Variants in PTPRK observed in about 807,000 individuals in gnomAD.
PTPRK encodes the protein receptor-type tyrosine-protein phosphatase kappa.
A neutral mutation model predicts 178.0 loss-of-function variants in PTPRK; 75 were observed. That is an observed-to-expected ratio of 0.42 (90% CI 0.35 to 0.51). The LOEUF is 0.51. PTPRK is among the 20% of genes least tolerant of loss of function. The pLI is 0.02. For missense variants in PTPRK, 1,441 were observed against 1,797.8 expected (o/e 0.80, Z 3.59); for synonymous variants, 637 against 620.6 (o/e 1.03, Z -0.39).
intron 3 of PTPRK, among the ~76,000 whole-genome samples, chr6:128,278,160 T>C (rs1159165446): frequency 6.7e-6 from 1 of 150,206 alleles, no homozygotes; most frequent in East Asian, 2.0e-4. Flanking sequence ...TATTTATTTA[T>C]TTATTTATTT....
chr6:128,199,197 T>A lies in PTPRK; in HGVS notation c.869-14472A>T, dbSNP rs563641906. Among the ~76,000 whole-genome samples, 4 of 152,230 alleles carry A rather than the reference T, an allele frequency of 2.6e-5. No individual in the cohort carries two copies. The East Asian group carries it at 7.7e-4, about 29-fold the overall frequency. On this transcript the variant is annotated intron_variant, in intron 6 of 29. Transcript: ENST00000368226. ...TTCAAATACTGCTATTGTAAATAGC[T>A]CAAGGTGAAAAAGAACCAAATGTCT...
chr6:128,453,999 C>T (rs968552224), intron 1 of PTPRK, among the ~76,000 whole-genome samples: 1 of 152,108 alleles, frequency 6.6e-6, no homozygotes, highest in African/African-American at 2.4e-5. Flanking sequence ...AGACACAATA[C>T]ACAATAACAT....
chr6:128,184,589 T>C lies in PTPRK; in HGVS notation c.1005A>G (p.Gly335=), dbSNP rs1228183532. ...LKEVEYRMTS[G]SWTETHAVNA... is the part of the protein sequence containing the mutation. ...TGACTGCATGGGTTTCTGTCCAGGA[T>C]CCTGATGTCATTCGGTACTCTACTT... is the stretch of plus-strand genomic sequence containing the variant. The change falls in exon 7 of 30, where the codon GGA becomes GGG. Residue 335 remains glycine, a synonymous_variant. Coordinates refer to ENST00000368226, the MANE Select transcript of PTPRK (RefSeq NM_002844.4). The C allele has an allele frequency of 6.2e-7, 1 of 1,614,038 alleles. No homozygotes were observed. The highest frequency in any genetic ancestry group is 8.5e-7 in the Non-Finnish European group (1 of 1,179,950).
chr6:128,134,330 A>C (rs1430444219), intron 7 of PTPRK, among the ~76,000 whole-genome samples: 1 of 152,126 alleles, frequency 6.6e-6, no homozygotes, highest in Admixed American at 6.5e-5. Context: ...TTTTCTAGAG[A>C]GATTTGTTAA....
intron 3 of PTPRK, among the ~76,000 whole-genome samples, chr6:128,285,562 G>A (rs150381667): frequency 0.08 from 12,084 of 150,854 alleles, 546 homozygotes; most frequent in African/African-American, 0.12. Context: ...TGTAATCCCA[G>A]CACTTTGGGA....
intron 6 of PTPRK, among the ~76,000 whole-genome samples, chr6:128,187,637 G>A (rs938167171): frequency 7.2e-5 from 11 of 152,126 alleles, no homozygotes; most frequent in African/African-American, 2.7e-4. Flanking sequence ...TAAGTTTGAT[G>A]TAATCAGTCA....
chr6:128,185,438 T>G (rs1010543003), intron 6 of PTPRK, among the ~76,000 whole-genome samples: 1 of 152,158 alleles, frequency 6.6e-6, no homozygotes, highest in Non-Finnish European at 1.5e-5. Flanking sequence ...ACAGAAAAGT[T>G]GAATGATATA....
chr6:128,075,678 T>A (rs944971562), intron 11 of PTPRK, among the ~76,000 whole-genome samples: 8 of 152,062 alleles, frequency 5.3e-5, no homozygotes, highest in African/African-American at 1.4e-4. Flanking sequence ...ATATAGAATG[T>A]TATTGAGTCA....
Position 127,982,881 on chromosome 6 carries a change from T to C in PTPRK, c.3487A>G (p.Ile1163Val), listed in dbSNP as rs751739800. The part of the protein sequence containing the change: ...CEFKAAYFDM[I>V]RIDSQTNSSH... ...GAGTTAGTCTGGGAGTCTATTCTAATCATATCAAAATATGCAGCTTTAAAT... is the reference window on the plus strand; with the variant it reads ...GAGTTAGTCTGGGAGTCTATTCTAACCATATCAAAATATGCAGCTTTAAAT... Residue 1163 changes from isoleucine to valine, a missense_variant, in exon 24 of 30, where the codon ATT becomes GTT. Transcript: ENST00000368226. 2 of 1,612,752 alleles carry C rather than the reference T, an allele frequency of 1.2e-6. No homozygotes were observed. Among genetic ancestry groups the C allele is most frequent in the Non-Finnish European group, 1.7e-6 (2 of 1,178,934 alleles).
chr6:128,350,056 A>G (rs1832924835), intron 2 of PTPRK, among the ~76,000 whole-genome samples: 1 of 152,142 alleles, frequency 6.6e-6, no homozygotes, highest in Non-Finnish European at 1.5e-5. Context: ...ATCATGTACT[A>G]AGAAAACTAT....
intron 3 of PTPRK, among the ~76,000 whole-genome samples, chr6:128,276,914 A>G (rs4895832): frequency 0.02 from 2,986 of 152,194 alleles, 80 homozygotes; most frequent in African/African-American, 0.041. Flanking sequence ...TGTATATGAG[A>G]TATATATACT....
In PTPRK at chr6:127,982,826, A is replaced by G. The variant is rs1475574491; in HGVS notation, c.3537+5T>C. On this transcript the variant is annotated splice_donor_5th_base_variant and intron_variant, in intron 24 of 29. Coordinates refer to ENST00000368226, the MANE Select transcript of PTPRK (RefSeq NM_002844.4). ...CACAAAAGAGGTTTTAGAAATAGTTAATACCTGAAATTCATCCTTGAGATG... is the reference window on the plus strand; with the variant it reads ...CACAAAAGAGGTTTTAGAAATAGTTGATACCTGAAATTCATCCTTGAGATG... 1 of 1,603,618 alleles carries G rather than the reference A, an allele frequency of 6.2e-7. No homozygotes were observed. The highest frequency in any genetic ancestry group is 1.7e-5 in the Admixed American group (1 of 58,380).
chr6:128,389,392 G>A (rs1191731354), intron 2 of PTPRK, among the ~76,000 whole-genome samples: 6 of 82,948 alleles, frequency 7.2e-5, no homozygotes, highest in Non-Finnish European at 1.1e-4. Context: ...TTGTTTGCTC[G>A]GTTTTTTTTT....
At chr6:128,103,823 TG>T (rs1203160289) in intron 7 of PTPRK, among the ~76,000 whole-genome samples, 2 of 152,198 alleles carry the variant, frequency 1.3e-5, no homozygotes, top group Admixed American at 1.3e-4. Flanking sequence ...CTCTTTGACC[TG>T]TCTTCCCACA....
At chr6:128,176,103 G>A (rs1472699466) in intron 7 of PTPRK, among the ~76,000 whole-genome samples, 3 of 151,786 alleles carry the variant, frequency 2.0e-5, no homozygotes, top group Admixed American at 1.3e-4. Context: ...AATTTTTAAG[G>A]TGGTATCTAA....
chr6:128,135,988 T>C (rs1794962537), intron 7 of PTPRK, among the ~76,000 whole-genome samples: 1 of 152,182 alleles, frequency 6.6e-6, no homozygotes, highest in Non-Finnish European at 1.5e-5. Flanking sequence ...TAACTCCTAA[T>C]ACCTCTGAAT....
intron 7 of PTPRK, among the ~76,000 whole-genome samples, chr6:128,159,042 T>C (rs574338196): frequency 3.9e-5 from 6 of 151,944 alleles, no homozygotes; most frequent in African/African-American, 1.2e-4. Flanking sequence ...ATTATTTTAG[T>C]TTCTGAACAT....
At chr6:128,132,993 A>C (rs988926027) in intron 7 of PTPRK, among the ~76,000 whole-genome samples, 21 of 152,194 alleles carry the variant, frequency 1.4e-4, no homozygotes, top group African/African-American at 5.1e-4. Context: ...CTCAACTATA[A>C]AATGAAGTAG....
chr6:128,449,875 T>G (rs1475785274), intron 1 of PTPRK, among the ~76,000 whole-genome samples: 2 of 150,962 alleles, frequency 1.3e-5, no homozygotes, highest in Admixed American at 1.3e-4. Flanking sequence ...GCAGAAGAAT[T>G]ATTTGAGGCC....
Sources: gnomAD v4.1 joint callset for allele counts (sites outside exome capture counted in the v4.1 genomes callset) on GRCh38, gnomAD v4.1.1 for gene constraint, MANE v1.5 for transcripts, NCBI Gene and HGNC (gene_info 2026-07-23, HGNC 2026-07-21) for gene names.